Variants in ATP10B observed in about 807,000 individuals in gnomAD.
ATP10B encodes the protein ATPase phospholipid transporting 10B (putative), also known as phospholipid-transporting ATPase VB.
In ATP10B, 122 loss-of-function variants were observed where a neutral mutation model predicts 141.2. The ratio of observed to expected loss-of-function variants is 0.86; its 90% CI spans 0.75 to 1.00. The LOEUF is 1.00. Among genes scored for constraint, ATP10B ranks in the 50% least tolerant of loss-of-function variants. The pLI is 0.00. For missense variants in ATP10B, 1,876 were observed against 1,825.3 expected, an observed-to-expected ratio of 1.03 and a Z score of -0.51; for synonymous variants, 685 against 692.0, an observed-to-expected ratio of 0.99 and a Z score of 0.16.
Position 160,730,968 on chromosome 5 carries a change from T to C in ATP10B, c.-330-13934A>G, listed in dbSNP as rs372332812. 2.8e-4 allele frequency among the ~76,000 whole-genome samples: 42 copies of C among 152,296 alleles called. 1 individual carries two copies. Among genetic ancestry groups the C allele is most frequent in the African/African-American group, 9.6e-4 (40 of 41,566 alleles). On this transcript the variant is annotated intron_variant, in intron 2 of 25. Coordinates refer to ENST00000327245, the MANE Select transcript of ATP10B (RefSeq NM_025153.3). ...GGCCCCTGTCCTTTCTGAGACCTGG[T>C]TCAGCCATTCTCTGGGTTCTCTGTA... is the stretch of plus-strand genomic sequence containing the variant.
intron 1 of ATP10B, among the ~76,000 whole-genome samples, chr5:160,833,665 C>T (rs1775244828): frequency 6.6e-6 from 1 of 151,886 alleles, no homozygotes; most frequent in Non-Finnish European, 1.5e-5. Context: ...ACTATGATTA[C>T]AATATGTGAA....
At chr5:160,825,222 T>C (rs1416780876) in intron 1 of ATP10B, among the ~76,000 whole-genome samples, 1 of 152,200 alleles carries the variant, frequency 6.6e-6, no homozygotes, top group Non-Finnish European at 1.5e-5. Flanking sequence ...CAAATACTTG[T>C]TGAATATGAG....
intron 10 of ATP10B, 47 bp downstream of exon 10, chr5:160,640,414 A>C: frequency 3.1e-6 from 5 of 1,589,366 alleles, no homozygotes; most frequent in Non-Finnish European, 4.3e-6. Context: ...AAACTTGCCC[A>C]AATAAATCGA....
chr5:160,716,987 T>G lies in ATP10B; in HGVS notation c.-283A>C. ...TACAGCCACAGGAAGAGGGGGCAGA[T>G]GTAGTACTTTAGCTGGGCAAATTGT... On this transcript the variant is annotated 5_prime_UTR_variant, in exon 3 of 26. Transcript: ENST00000327245. 7.1e-6 allele frequency: 7 copies of G among 985,406 alleles called. No homozygotes were observed. Among genetic ancestry groups the G allele is most frequent in the Non-Finnish European group, 8.4e-6 (7 of 829,910 alleles). 61.0% of individuals were successfully genotyped at this position (985,406 alleles called of 1,614,324 possible).
chr5:160,609,713 GTTT>G, intron 18 of ATP10B, among the ~76,000 whole-genome samples: 1 of 152,270 alleles, frequency 6.6e-6, no homozygotes, highest in Non-Finnish European at 1.5e-5. Context: ...TAAAGACATA[GTTT>G]ATTATTCCTG....
the ATP10B span, among the ~76,000 whole-genome samples, chr5:160,904,118 G>A: frequency 6.6e-6 from 1 of 151,848 alleles, no homozygotes; most frequent in African/African-American, 2.4e-5. Context: ...GCAAGGAAGA[G>A]GCTAGTGTTT....
chr5:160,637,039 TGA>T (rs1344544616), intron 10 of ATP10B, among the ~76,000 whole-genome samples: 2 of 18,800 alleles, frequency 1.1e-4, no homozygotes, highest in Non-Finnish European at 2.0e-4. Context: ...CATCCATCCA[TGA>T]ATCCATCCAT....
the ATP10B span, among the ~76,000 whole-genome samples, chr5:160,911,025 C>G: frequency 6.6e-6 from 1 of 152,148 alleles, no homozygotes; most frequent in Admixed American, 6.5e-5. Context: ...AATGACCCAC[C>G]CTCAGGTATT....
At chr5:160,862,709 G>T in the ATP10B span, among the ~76,000 whole-genome samples, 1 of 151,854 alleles carries the variant, frequency 6.6e-6, no homozygotes, top group African/African-American at 2.4e-5. Context: ...TCTTAATCTT[G>T]ATCCTTAAAT....
chr5:160,755,814 C>CAA (rs763385041), intron 2 of ATP10B, among the ~76,000 whole-genome samples: 8 of 48,176 alleles, frequency 1.7e-4, no homozygotes, highest in East Asian at 6.1e-4. Context: ...GACTCCGTCT[C>CAA]AAAAAAAAAA....
At chr5:160,904,208 A>G in the ATP10B span, among the ~76,000 whole-genome samples, 10 of 152,300 alleles carry the variant, frequency 6.6e-5, no homozygotes, top group East Asian at 1.9e-3. Context: ...AAACTGCAGA[A>G]CATTGTTAGT....
the ATP10B span, among the ~76,000 whole-genome samples, chr5:160,857,731 G>A: frequency 2.0e-5 from 3 of 151,720 alleles, no homozygotes; most frequent in Non-Finnish European, 2.9e-5. Context: ...TCAGTTCAAT[G>A]TATTTTTCCC....
intron 1 of ATP10B, among the ~76,000 whole-genome samples, chr5:160,792,036 C>T (rs930504836): frequency 2.0e-5 from 3 of 152,072 alleles, no homozygotes; most frequent in Non-Finnish European, 4.4e-5. Context: ...TACCTTAGTC[C>T]TATGCAGTGT....
intron 1 of ATP10B, among the ~76,000 whole-genome samples, chr5:160,798,097 G>A (rs10054953): frequency 0.44 from 66,920 of 151,828 alleles, 14,847 homozygotes; most frequent in East Asian, 0.6. Context: ...ATCCAGTCAA[G>A]CCAAGAGCTG....
intron 24 of ATP10B, among the ~76,000 whole-genome samples, chr5:160,580,593 G>A (rs549243699): frequency 1.4e-4 from 21 of 152,312 alleles, no homozygotes; most frequent in Non-Finnish European, 2.6e-4. Flanking sequence ...TTGCATCAAT[G>A]TTTAACAGGG....
chr5:160,841,214 A>G (rs998841717), intron 1 of ATP10B, among the ~76,000 whole-genome samples: 7 of 152,216 alleles, frequency 4.6e-5, no homozygotes, highest in African/African-American at 1.7e-4. Context: ...ATTCAATGGA[A>G]TACAATGCAG....
intron 2 of ATP10B, among the ~76,000 whole-genome samples, chr5:160,775,508 G>C (rs1401210173): frequency 2.0e-5 from 3 of 152,074 alleles, no homozygotes; most frequent in African/African-American, 7.2e-5. Context: ...ATGGACTACA[G>C]CACTGACATA....
rs1760518432 is a variant in ATP10B, at chr5:160,649,168, T to TA, written c.761+2dup. Reference sequence around the variant, plus strand: ...CTAGCAGCATGGGACATGAGATACTTACATATAACCCTTAAATTTGTTGAG... The same window carrying TA: ...CTAGCAGCATGGGACATGAGATACTTAACATATAACCCTTAAATTTGTTGAG... On this transcript the variant is annotated splice_region_variant and intron_variant, in intron 8 of 25. Transcript: ENST00000327245. 1 of 1,605,058 alleles carries TA rather than the reference T, an allele frequency of 6.2e-7. No homozygotes were observed.
the ATP10B span, among the ~76,000 whole-genome samples, chr5:160,914,663 G>C: frequency 6.6e-6 from 1 of 152,118 alleles, no homozygotes; most frequent in Non-Finnish European, 1.5e-5. Context: ...CATATGTAGA[G>C]GGCTGATTGG....
Sources: allele counts gnomAD v4.1 joint callset (sites outside exome capture counted in the v4.1 genomes callset), GRCh38; gene constraint gnomAD v4.1.1; transcripts MANE v1.5; gene names NCBI Gene and HGNC (gene_info 2026-07-23, HGNC 2026-07-21).